The following EPB41L4B variants were observed in gnomAD, a reference collection of about 807,000 sequenced individuals.
EPB41L4B encodes the protein erythrocyte membrane protein band 4.1 like 4B, also known as band 4.1-like protein 4B.
Under a neutral mutation model 112.5 loss-of-function variants are expected in EPB41L4B, and 30 were observed. The observed-to-expected ratio is 0.27, with a 90% CI of 0.20 to 0.36. The LOEUF (loss-of-function observed/expected upper bound fraction) is 0.36, where lower values mean the gene tolerates loss of function less well. EPB41L4B is among the 10% of genes least tolerant of loss of function. EPB41L4B has a pLI of 1.00. For missense variants in EPB41L4B, 1,024 were observed against 1,133.3 expected, an observed-to-expected ratio of 0.90 and a Z score of 1.38; for synonymous variants, 408 against 439.7, an observed-to-expected ratio of 0.93 and a Z score of 0.90.
At chr9:109,311,923 G>A (rs780039414) in intron 1 of EPB41L4B, among the ~76,000 whole-genome samples, 1 of 152,156 alleles carries the variant, frequency 6.6e-6, no homozygotes, top group Non-Finnish European at 1.5e-5. Context: ...AGTGATTAAG[G>A]GAAGCAACAC....
chr9:109,238,685 A>G (rs1834240551), intron 15 of EPB41L4B, among the ~76,000 whole-genome samples: 1 of 152,194 alleles, frequency 6.6e-6, no homozygotes, highest in Non-Finnish European at 1.5e-5. Flanking sequence ...GGAGGGGGTT[A>G]TTACTGGAAC....
chr9:109,296,151 A>G (rs2119198759), intron 1 of EPB41L4B, among the ~76,000 whole-genome samples: 1 of 152,384 alleles, frequency 6.6e-6, no homozygotes, highest in South Asian at 2.1e-4. Context: ...AAACGTGAAC[A>G]GAAAGGACTA....
intron 1 of EPB41L4B, among the ~76,000 whole-genome samples, chr9:109,283,701 T>C (rs922064266): frequency 2.0e-5 from 3 of 152,212 alleles, no homozygotes; most frequent in Admixed American, 2.0e-4. Context: ...CATAGACTGC[T>C]TGATAAAAAC....
chr9:109,287,192 G>A (rs1836321450), intron 1 of EPB41L4B, among the ~76,000 whole-genome samples: 1 of 152,208 alleles, frequency 6.6e-6, no homozygotes, highest in Non-Finnish European at 1.5e-5. Flanking sequence ...TTGCTGGCCA[G>A]CCTGAGATTC....
At chr9:109,240,407 T>G in intron 15 of EPB41L4B, 1 of 985,354 alleles carries the variant, frequency 1.0e-6, no homozygotes, top group Non-Finnish European at 1.2e-6. Flanking sequence ...AAGATCAGAT[T>G]TTAGTAATAA....
chr9:109,196,461 G>A (rs1257307406), intron 20 of EPB41L4B, among the ~76,000 whole-genome samples: 3 of 152,202 alleles, frequency 2.0e-5, no homozygotes, highest in Non-Finnish European at 2.9e-5. Flanking sequence ...GCTAATGCCT[G>A]TAATCCCGGC....
rs537506618 is a variant in EPB41L4B at position 109,279,738 on chromosome 9, C to T, written c.411+79G>A. ...ACAGTTTTAGTCTTGTTTTTCTCTACCCATTTCTAGCAACTGTGGACGTGC... is the reference window on the plus strand; with the variant it reads ...ACAGTTTTAGTCTTGTTTTTCTCTATCCATTTCTAGCAACTGTGGACGTGC... On this transcript the variant is annotated intron_variant, in intron 2 of 25. Transcript: ENST00000374566. 77 of 1,233,294 alleles carry T rather than the reference C, an allele frequency of 6.2e-5. 1 individual carries two copies. In the Middle Eastern group the frequency reaches 1.3e-3, roughly 21 times the overall value. 76.4% of individuals were successfully genotyped at this position (1,233,294 alleles called of 1,614,324 possible).
intron 1 of EPB41L4B, among the ~76,000 whole-genome samples, chr9:109,311,705 C>A (rs1452083445): frequency 6.6e-6 from 1 of 152,214 alleles, no homozygotes; most frequent in Non-Finnish European, 1.5e-5. Context: ...GAAATTCTGA[C>A]CTTCCCAGGG....
intron 1 of EPB41L4B, among the ~76,000 whole-genome samples, chr9:109,281,861 G>A (rs961678410): frequency 3.9e-5 from 6 of 152,112 alleles, no homozygotes; most frequent in African/African-American, 1.4e-4. Flanking sequence ...TAAACATAGA[G>A]TTAGTTACCA....
chr9:109,307,705 G>A (rs537538425), intron 1 of EPB41L4B, among the ~76,000 whole-genome samples: 6 of 152,208 alleles, frequency 3.9e-5, no homozygotes, highest in South Asian at 2.1e-4. Context: ...AACTAACCCC[G>A]GTAGGCTTTT....
intron 24 of EPB41L4B, among the ~76,000 whole-genome samples, chr9:109,181,222 G>A (rs760827026): frequency 4.6e-5 from 7 of 151,784 alleles, no homozygotes; most frequent in African/African-American, 1.2e-4. Flanking sequence ...GGTTGATCTC[G>A]AACTTCTGGT....
Position 109,174,318 on chromosome 9 carries a change from T to C in EPB41L4B, c.*236A>G, listed in dbSNP as rs1306254426. The C allele has an allele frequency of 4.4e-6, 2 of 452,490 alleles. No individual in the cohort carries two copies. The highest frequency in any genetic ancestry group is 8.0e-6 in the Non-Finnish European group (2 of 248,932). The allele number at this position is 452,490 out of a possible 1,614,324, so 28.0% of individuals were successfully genotyped here. On this transcript the variant is annotated 3_prime_UTR_variant, in exon 26 of 26. Transcript: ENST00000374566. ...TCCCGTTTTCCCATCTTTCTTTTCC[T>C]AGACTTATCAAATCCTGTCTCAACT...
At chr9:109,248,019 A>G (rs1834627585) in intron 13 of EPB41L4B, among the ~76,000 whole-genome samples, 1 of 152,248 alleles carries the variant, frequency 6.6e-6, no homozygotes, top group South Asian at 2.1e-4. Flanking sequence ...ACAAACAGAA[A>G]CAGTAGGAAA....
intron 14 of EPB41L4B, among the ~76,000 whole-genome samples, chr9:109,246,268 G>A (rs1834553793): frequency 6.6e-6 from 1 of 152,134 alleles, no homozygotes; most frequent in Admixed American, 6.5e-5. Flanking sequence ...CGGGCGTGGT[G>A]GCATACACCT....
intron 21 of EPB41L4B, among the ~76,000 whole-genome samples, chr9:109,193,822 G>C (rs1191330450): frequency 2.0e-5 from 3 of 152,192 alleles, no homozygotes; most frequent in Non-Finnish European, 4.4e-5. Context: ...CCGGCTATAT[G>C]ACATAAGGGA....
intron 25 of EPB41L4B, among the ~76,000 whole-genome samples, chr9:109,175,845 G>T (rs10119402): frequency 0.81 from 122,686 of 152,068 alleles, 49,702 homozygotes; most frequent in Middle Eastern, 0.85. Flanking sequence ...TTAAACTTCC[G>T]TAACCATGTC....
At chr9:109,287,145 G>A (rs1237360262) in intron 1 of EPB41L4B, among the ~76,000 whole-genome samples, 2 of 152,202 alleles carry the variant, frequency 1.3e-5, no homozygotes, top group African/African-American at 2.4e-5. Flanking sequence ...GGGCAGGCAG[G>A]CAGCCAGCAG....
intron 20 of EPB41L4B, among the ~76,000 whole-genome samples, chr9:109,199,816 T>C (rs978255383): frequency 6.6e-6 from 1 of 152,140 alleles, no homozygotes; most frequent in Non-Finnish European, 1.5e-5. Context: ...GCTGAGGGCA[T>C]CCTCTGTCCA....
intron 1 of EPB41L4B, among the ~76,000 whole-genome samples, chr9:109,286,321 T>A (rs192890736): frequency 4.6e-5 from 7 of 152,184 alleles, no homozygotes; most frequent in Admixed American, 4.6e-4. Flanking sequence ...GGATGAGCCA[T>A]GCTACAACAC....
Sources: allele counts gnomAD v4.1 joint callset (sites outside exome capture counted in the v4.1 genomes callset), GRCh38; gene constraint gnomAD v4.1.1; transcripts MANE v1.5; gene names NCBI Gene and HGNC (gene_info 2026-07-23, HGNC 2026-07-21).